VPS13B: variants seen among roughly 807,000 people sequenced by gnomAD.
The protein encoded by VPS13B is intermembrane lipid transfer protein VPS13B.
A neutral mutation model predicts 426.4 loss-of-function variants in VPS13B; 285 were observed. The observed-to-expected ratio is 0.67, with a 90% CI of 0.61 to 0.74. The LOEUF is 0.74. VPS13B is among the 30% of genes least tolerant of loss of function. The pLI, the probability that VPS13B is intolerant of heterozygous loss-of-function variation, is 0.00. For missense variants in VPS13B, 4,537 were observed against 4,782.6 expected, an observed-to-expected ratio of 0.95 and a Z score of 1.51; for synonymous variants, 1,676 against 1,676.4, an observed-to-expected ratio of 1.00 and a Z score of 0.01.
At position 99,875,596 on chromosome 8, in the gene VPS13B, A is replaced by G; in HGVS notation, c.11924A>G (p.His3975Arg). The G allele has an allele frequency of 6.2e-7, 1 of 1,614,114 alleles. No individual in the cohort carries two copies. The highest frequency in any genetic ancestry group is 8.5e-7 in the Non-Finnish European group (1 of 1,180,002). ...VKTYHYLVDP[H>R]FAQVFLSKFT... Reference sequence around the variant, plus strand: ...ACATACCATTACCTGGTTGATCCACATTTTGCTCAGGTCTTCCTTAGTAAA... The same window carrying G: ...ACATACCATTACCTGGTTGATCCACGTTTTGCTCAGGTCTTCCTTAGTAAA... The change falls in exon 62 of 62, where the codon CAT (histidine) becomes CGT (arginine). Residue 3975 changes from histidine (H) to arginine (R), a missense_variant. By Grantham distance (29) the His-to-Arg change is conservative (BLOSUM62 0). Transcript: ENST00000357162.
Position 99,412,395 on chromosome 8 carries a change from G to A in VPS13B, c.3083-19142G>A, listed in dbSNP as rs202233966. On this transcript the variant is annotated intron_variant, in intron 21 of 61. Coordinates refer to ENST00000357162, the MANE Select transcript of VPS13B (RefSeq NM_152564.5). ...TTGTCTGTTATTGGTGTATAGGAAT[G>A]CTTGTGATTTTTGCACATTGATTTT... 5.7e-4 allele frequency among the ~76,000 whole-genome samples: 87 copies of A among 152,280 alleles called. 2 individuals are homozygous for A. In the East Asian group the frequency reaches 0.015, roughly 26 times the overall value.
At position 99,481,634 on chromosome 8, in the gene VPS13B, T is replaced by C; in HGVS notation, c.3702T>C (p.Asn1234=). The stretch of plus-strand genomic sequence containing the variant: ...TCTATGAACTAACTGATATCATGAA[T>C]AAGGTCTGGAACAAGATTCAGAAGA... ...QLFYELTDIM[N]KVWNKIQKRG... Residue 1234 remains asparagine, a synonymous_variant, in exon 25 of 62, where the codon AAT becomes AAC. Transcript: ENST00000357162. 1 of 1,613,936 alleles carries C rather than the reference T, an allele frequency of 6.2e-7. No homozygotes were observed. Among genetic ancestry groups the C allele is most frequent in the South Asian group, 1.1e-5 (1 of 91,086 alleles).
At chr8:99,087,620 T>G (rs1233996769) in intron 3 of VPS13B, among the ~76,000 whole-genome samples, 18 of 151,380 alleles carry the variant, frequency 1.2e-4, no homozygotes, top group Admixed American at 3.9e-4. Context: ...TTTTTGTTTT[T>G]TTTTTTTTTT....
chr8:99,728,366 C>T (rs1833439465), intron 39 of VPS13B, among the ~76,000 whole-genome samples: 1 of 152,178 alleles, frequency 6.6e-6, no homozygotes, highest in Non-Finnish European at 1.5e-5. Flanking sequence ...TCTATTCTCA[C>T]TACCTTAAGA....
At position 99,661,340 on chromosome 8, in the gene VPS13B, T is replaced by C. The variant is rs377274392; in HGVS notation, c.5909-14T>C. On this transcript the variant is annotated splice_polypyrimidine_tract_variant and intron_variant, in intron 34 of 61. Coordinates refer to ENST00000357162, the MANE Select transcript of VPS13B (RefSeq NM_152564.5). ...ATGTAACTGATGTTTTTAATTTCAA[T>C]TTTGTCACTTTAGATCCTGGGAAGA... The C allele has an allele frequency of 3.6e-5, 58 of 1,613,308 alleles. No homozygotes were observed. The highest frequency in any genetic ancestry group is 4.9e-5 in the Non-Finnish European group (58 of 1,179,670).
intron 3 of VPS13B, among the ~76,000 whole-genome samples, chr8:99,062,076 G>T (rs1005477846): frequency 6.6e-6 from 1 of 152,038 alleles, no homozygotes; most frequent in Non-Finnish European, 1.5e-5. Context: ...AGCCCTCCTG[G>T]GATATGTTTT....
At chr8:99,678,462 C>A (rs530916694) in intron 35 of VPS13B, among the ~76,000 whole-genome samples, 1 of 152,094 alleles carries the variant, frequency 6.6e-6, no homozygotes, top group East Asian at 1.9e-4. Context: ...TTAACTACCC[C>A]CTTCCTCAGT....
In VPS13B at chr8:99,431,622, T is replaced by C. The variant is rs747645022; in HGVS notation, c.3168T>C (p.Phe1056=). The change falls in exon 22 of 62, where the codon TTT becomes TTC. Residue 1056 remains phenylalanine, a synonymous_variant. Transcript: ENST00000357162. ...CRSPEERMKE[F]IGIVWNAVKH... ...GTCCTGAAGAAAGAATGAAGGAATT[T>C]ATTGGAATTGTTTGGAATGCAGTGA... 1.2e-6 allele frequency: 2 copies of C among 1,613,492 alleles called. No individual in the cohort carries two copies. The highest frequency in any genetic ancestry group is 1.7e-6 in the Non-Finnish European group (2 of 1,179,734).
intron 22 of VPS13B, among the ~76,000 whole-genome samples, chr8:99,436,285 T>C (rs894274914): frequency 3.3e-5 from 5 of 152,214 alleles, no homozygotes; most frequent in African/African-American, 1.2e-4. Context: ...ATTCTTTTGC[T>C]TATTTTATAA....
At chr8:99,182,196 T>C (rs1486517158) in intron 16 of VPS13B, among the ~76,000 whole-genome samples, 1 of 152,206 alleles carries the variant, frequency 6.6e-6, no homozygotes, top group East Asian at 1.9e-4. Flanking sequence ...ACTACTGATA[T>C]ATACAGTTGT....
intron 19 of VPS13B, chr8:99,346,403 C>A (rs1411132312): frequency 6.6e-6 from 1 of 152,186 alleles, no homozygotes; most frequent in African/African-American, 2.4e-5. Context: ...CCATGGCTCT[C>A]ATCTCTGATA....
chr8:99,156,065 A>G (rs1430836605), intron 14 of VPS13B, among the ~76,000 whole-genome samples: 1 of 152,232 alleles, frequency 6.6e-6, no homozygotes, highest in Admixed American at 6.5e-5. Context: ...AGTAGATACG[A>G]TACAGATAAG....
At chr8:99,470,568 G>A (rs1264701570) in intron 24 of VPS13B, among the ~76,000 whole-genome samples, 1 of 152,052 alleles carries the variant, frequency 6.6e-6, no homozygotes, top group Admixed American at 6.6e-5. Flanking sequence ...TACTAAACTT[G>A]AACATAGATC....
intron 53 of VPS13B, 31 bp from the exon 54 acceptor site, chr8:99,835,508 A>G (rs369560147): frequency 6.2e-7 from 1 of 1,605,656 alleles, no homozygotes; most frequent in Non-Finnish European, 8.5e-7. Context: ...TTTAAGGGCT[A>G]ATTCTGCATA....
chr8:99,231,819 G>A (rs1406361490), intron 17 of VPS13B, among the ~76,000 whole-genome samples: 2 of 152,084 alleles, frequency 1.3e-5, no homozygotes, highest in African/African-American at 4.8e-5. Flanking sequence ...TGTATAAATT[G>A]CTACTTTCCT....
At chr8:99,739,896 ACT>A (rs1284669155) in intron 39 of VPS13B, among the ~76,000 whole-genome samples, 3 of 152,162 alleles carry the variant, frequency 2.0e-5, no homozygotes, top group Non-Finnish European at 2.9e-5. Context: ...AAAACTGGAA[ACT>A]CTAAAAATCG....
rs768311550 is a variant in VPS13B at position 99,854,073 on chromosome 8, A to G, written c.10684A>G (p.Lys3562Glu). ...RALVNPVKLRKLVIQPVNLLV... is the reference protein window; with the variant it reads ...RALVNPVKLRELVIQPVNLLV... ...CTTGGTGAATCCTGTGAAGTTACGG[A>G]AACTGGTGATCCAGCCAGTAAATTT... The change falls in exon 56 of 62, where the codon AAA (lysine) becomes GAA (glutamate). Residue 3562 changes from lysine to glutamate, a missense_variant. Lys to Glu is a moderately conservative substitution (Grantham distance 56, BLOSUM62 1). Transcript: ENST00000357162. The G allele has an allele frequency of 8.1e-6, 13 of 1,613,412 alleles. No homozygotes were observed. In the South Asian group the frequency reaches 1.4e-4, roughly 18 times the overall value.
At chr8:99,729,314 T>G (rs1011251758) in intron 39 of VPS13B, among the ~76,000 whole-genome samples, 30 of 152,168 alleles carry the variant, frequency 2.0e-4, no homozygotes, top group Non-Finnish European at 3.7e-4. Context: ...TTTGCTGTGG[T>G]TTTTCCAGCT....
chr8:99,793,457 T>TA (rs1454520104), intron 43 of VPS13B, among the ~76,000 whole-genome samples: 1 of 151,916 alleles, frequency 6.6e-6, no homozygotes, highest in Admixed American at 6.6e-5. Context: ...TCTCTTTAGA[T>TA]ACTATGGAGG....
Sources: gnomAD v4.1 joint callset for allele counts (sites outside exome capture counted in the v4.1 genomes callset) on GRCh38, gnomAD v4.1.1 for gene constraint, MANE v1.5 for transcripts, NCBI Gene and HGNC (gene_info 2026-07-23, HGNC 2026-07-21) for gene names.